Variants in ZFYVE28 observed in about 807,000 individuals in gnomAD.
The protein encoded by ZFYVE28 is lateral signaling target protein 2 homolog.
A neutral mutation model predicts 82.1 loss-of-function variants in ZFYVE28; 40 were observed. The ratio of observed to expected loss-of-function variants is 0.49; its 90% CI spans 0.38 to 0.63. The LOEUF is 0.63. Ranked by LOEUF, ZFYVE28 falls within the 30% of genes least tolerant of loss-of-function variation. The probability of loss-of-function intolerance (pLI) is 0.00; values close to 1 mark genes in which losing one functional copy is unlikely to be tolerated. For missense variants in ZFYVE28, 1,321 were observed against 1,242.1 expected, an observed-to-expected ratio of 1.06 and a Z score of -0.96; for synonymous variants, 612 against 546.1, an observed-to-expected ratio of 1.12 and a Z score of -1.68.
At chr4:2,398,508 C>T (rs556459093) in intron 1 of ZFYVE28, among the ~76,000 whole-genome samples, 1 of 152,132 alleles carries the variant, frequency 6.6e-6, no homozygotes, top group African/African-American at 2.4e-5. Context: ...GAGACCAGTA[C>T]AAGAGAGGAG....
chr4:2,321,750 C>G (rs1192733966), intron 6 of ZFYVE28, among the ~76,000 whole-genome samples: 2 of 152,150 alleles, frequency 1.3e-5, no homozygotes, highest in African/African-American at 2.4e-5. Flanking sequence ...CACAGTAGAG[C>G]TCCCTCCCCT....
chr4:2,337,099 C>T (rs1721941808), intron 5 of ZFYVE28, among the ~76,000 whole-genome samples: 1 of 151,614 alleles, frequency 6.6e-6, no homozygotes, highest in East Asian at 1.9e-4. Context: ...TCCATCATGC[C>T]AGAGCCTTCC....
At chr4:2,330,622 A>C in intron 6 of ZFYVE28, 1 of 1,349,382 alleles carries the variant, frequency 7.4e-7, no homozygotes, top group South Asian at 1.6e-5. Context: ...AGACAAGGGG[A>C]CAGCATAGAG....
At chr4:2,316,699 CT>C (rs5855729) in intron 7 of ZFYVE28, among the ~76,000 whole-genome samples, 28 of 148,746 alleles carry the variant, frequency 1.9e-4, no homozygotes, top group East Asian at 1.6e-3. Flanking sequence ...TCTTGTCTCT[CT>C]TTTTTTTTTT....
At chr4:2,377,668 C>T (rs1368252904) in intron 1 of ZFYVE28, among the ~76,000 whole-genome samples, 3 of 152,202 alleles carry the variant, frequency 2.0e-5, no homozygotes, top group Non-Finnish European at 2.9e-5. Flanking sequence ...TGAGAAGAAA[C>T]CTGCGGGGCT....
At chr4:2,323,739 T>C (rs1719449106) in intron 6 of ZFYVE28, among the ~76,000 whole-genome samples, 1 of 128,986 alleles carries the variant, frequency 7.8e-6, no homozygotes. Context: ...TTCCCCTTCC[T>C]GTGTCCATGT....
intron 1 of ZFYVE28, among the ~76,000 whole-genome samples, chr4:2,387,370 A>ACCC: frequency 6.6e-6 from 1 of 152,140 alleles, no homozygotes. Flanking sequence ...ATTGGCCAGA[A>ACCC]CCCATCACTT....
chr4:2,388,337 A>C (rs1156690296), intron 1 of ZFYVE28, among the ~76,000 whole-genome samples: 1 of 152,226 alleles, frequency 6.6e-6, no homozygotes, highest in Non-Finnish European at 1.5e-5. Flanking sequence ...TGTCAACCCC[A>C]GCACAATTAC....
intron 1 of ZFYVE28, among the ~76,000 whole-genome samples, chr4:2,380,422 T>C (rs1447135479): frequency 1.3e-5 from 2 of 152,224 alleles, no homozygotes; most frequent in South Asian, 2.1e-4. Context: ...CTAAGAATCA[T>C]TGCTTCATGA....
chr4:2,305,418 G>A lies in ZFYVE28; in HGVS notation c.922C>T (p.Pro308Ser), dbSNP rs1716417696. The change falls in exon 8 of 13, where the codon CCT becomes TCT. Residue 308 changes from proline to serine, a missense_variant. Physicochemically the swap from Pro to Ser is moderately conservative, Grantham distance 74 (BLOSUM62 -1). This residue lies in a region of ZFYVE28 where 978 missense variants were observed against 833.7 expected (regional missense o/e 1.17). Coordinates refer to ENST00000290974, the MANE Select transcript of ZFYVE28 (RefSeq NM_020972.3). ...ADVQGPAALA[P>S]ALSAPLPPEG... The stretch of plus-strand genomic sequence containing the variant: ...GGGGGGAGAGGGGCAGAGAGGGCAG[G>A]CGCCAGGGCAGCGGGTCCCTGCACG... 6.2e-7 allele frequency: 1 copy of A among 1,612,842 alleles called. No individual in the cohort carries two copies. Among genetic ancestry groups the A allele is most frequent in the East Asian group, 2.2e-5 (1 of 44,890 alleles).
chr4:2,298,794 C>T (rs1377110860), intron 8 of ZFYVE28, among the ~76,000 whole-genome samples: 1 of 152,222 alleles, frequency 6.6e-6, no homozygotes, highest in Non-Finnish European at 1.5e-5. Context: ...GCAGCCTTGA[C>T]CGTGTGTCAG....
intron 8 of ZFYVE28, chr4:2,287,477 T>G (rs1712934165): frequency 1.3e-5 from 2 of 152,274 alleles, no homozygotes; most frequent in Admixed American, 6.5e-5. Context: ...CTTAAGCCCC[T>G]GAAGGGCCTC....
chr4:2,281,726 C>A (rs556147716), intron 8 of ZFYVE28, among the ~76,000 whole-genome samples: 70 of 152,200 alleles, frequency 4.6e-4, no homozygotes, highest in Admixed American at 2.0e-3. Flanking sequence ...CAGCAGGGGG[C>A]ACTGTTTGGA....
chr4:2,289,768 G>A (rs1713313320), intron 8 of ZFYVE28, among the ~76,000 whole-genome samples: 1 of 152,172 alleles, frequency 6.6e-6, no homozygotes, highest in African/African-American at 2.4e-5. Flanking sequence ...ACCACAGCCT[G>A]CGGGGGCCTG....
chr4:2,374,549 G>C (rs4132857), intron 1 of ZFYVE28, among the ~76,000 whole-genome samples: 1 of 151,964 alleles, frequency 6.6e-6, no homozygotes, highest in East Asian at 1.9e-4. Context: ...GGCAGGTTGA[G>C]GCTGCAGTGA....
At chr4:2,360,482 T>A (rs1218484373) in intron 1 of ZFYVE28, among the ~76,000 whole-genome samples, 1 of 151,282 alleles carries the variant, frequency 6.6e-6, no homozygotes, top group Non-Finnish European at 1.5e-5. Flanking sequence ...AGTTAGCCCC[T>A]GAGCTAGCGT....
chr4:2,326,683 T>C (rs1369889914), intron 6 of ZFYVE28, among the ~76,000 whole-genome samples: 1 of 152,234 alleles, frequency 6.6e-6, no homozygotes, highest in African/African-American at 2.4e-5. Context: ...ACATGGAATA[T>C]CTTTGTCTTC....
At chr4:2,354,330 G>C (rs1415872151) in intron 1 of ZFYVE28, among the ~76,000 whole-genome samples, 1 of 152,164 alleles carries the variant, frequency 6.6e-6, no homozygotes, top group Non-Finnish European at 1.5e-5. Flanking sequence ...GGGGAATCCA[G>C]ATCCTTTGCT....
At chr4:2,357,673 C>G (rs1022950520) in intron 1 of ZFYVE28, among the ~76,000 whole-genome samples, 2 of 152,200 alleles carry the variant, frequency 1.3e-5, no homozygotes, top group Non-Finnish European at 2.9e-5. Context: ...TCCCTCTCCA[C>G]GTGTGTCCCG....
Sources: allele counts gnomAD v4.1 joint callset (sites outside exome capture counted in the v4.1 genomes callset), GRCh38; gene constraint gnomAD v4.1.1; regional missense constraint gnomAD v4.1.1; transcripts MANE v1.5; gene names NCBI Gene and HGNC (gene_info 2026-07-23, HGNC 2026-07-21).